Variants in DLG2 observed in about 807,000 individuals in gnomAD.
DLG2 encodes disks large homolog 2.
A neutral mutation model predicts 132.5 loss-of-function variants in DLG2; 45 were observed. That is an observed-to-expected ratio of 0.34 (90% CI 0.27 to 0.44). DLG2 has a LOEUF of 0.44. Ranked by LOEUF, DLG2 falls within the 20% of genes least tolerant of loss-of-function variation. The pLI is 1.00. For synonymous variants in DLG2, 424 were observed against 419.6 expected, an observed-to-expected ratio of 1.01 and a Z score of -0.13; for missense variants, 1,045 against 1,196.9, an observed-to-expected ratio of 0.87 and a Z score of 1.87.
intron 6 of DLG2, among the ~76,000 whole-genome samples, chr11:84,552,844 A>G (rs962080316): frequency 1.3e-5 from 2 of 152,158 alleles, no homozygotes; most frequent in African/African-American, 2.4e-5. Flanking sequence ...AAGTTTGGCT[A>G]TATCACTCAC....
intron 18 of DLG2, among the ~76,000 whole-genome samples, chr11:83,737,918 C>T (rs75496962): frequency 0.065 from 9,958 of 152,212 alleles, 1,132 homozygotes; most frequent in African/African-American, 0.22. Context: ...GGTGATGCTG[C>T]CTTACATAAT....
intron 6 of DLG2, among the ~76,000 whole-genome samples, chr11:84,998,556 A>T (rs1432981208): frequency 6.6e-6 from 1 of 152,158 alleles, no homozygotes; most frequent in Non-Finnish European, 1.5e-5. Context: ...ATGTATCTTT[A>T]GAAAGAAATA....
intron 6 of DLG2, among the ~76,000 whole-genome samples, chr11:84,652,916 G>C (rs1056732195): frequency 1.3e-5 from 2 of 150,128 alleles, no homozygotes; most frequent in African/African-American, 4.9e-5. Flanking sequence ...AGGTACAATA[G>C]AATCCAATAT....
chr11:84,992,124 G>A (rs2057186395), intron 6 of DLG2, among the ~76,000 whole-genome samples: 1 of 151,922 alleles, frequency 6.6e-6, no homozygotes, highest in Non-Finnish European at 1.5e-5. Context: ...ATCACTTCAT[G>A]TAGTTAAGTT....
intron 3 of DLG2, among the ~76,000 whole-genome samples, chr11:85,489,602 C>A (rs991388397): frequency 6.6e-6 from 1 of 152,182 alleles, no homozygotes. Flanking sequence ...AATACACATT[C>A]TTTACATCAG....
chr11:84,580,086 G>A, intron 6 of DLG2, among the ~76,000 whole-genome samples: 1 of 152,168 alleles, frequency 6.6e-6, no homozygotes, highest in Non-Finnish European at 1.5e-5. Context: ...CTAGAAATCA[G>A]GGGGAGGAAC....
chr11:84,099,850 T>C (rs2092288242), intron 9 of DLG2, among the ~76,000 whole-genome samples: 1 of 73,264 alleles, frequency 1.4e-5, no homozygotes, highest in Admixed American at 1.6e-4. Flanking sequence ...TATATATATA[T>C]CTAAAGAGAT....
intron 3 of DLG2, among the ~76,000 whole-genome samples, chr11:85,469,971 C>T (rs2092928166): frequency 6.6e-6 from 1 of 152,126 alleles, no homozygotes. Context: ...AAAGCCCTTA[C>T]TTTAGCCTAC....
At chr11:83,501,512 G>A (rs141453119) in intron 21 of DLG2, among the ~76,000 whole-genome samples, 245 of 152,258 alleles carry the variant, frequency 1.6e-3, no homozygotes, top group African/African-American at 5.6e-3. Context: ...ATCTGGGCCT[G>A]TTTCTTCATA....
chr11:83,694,945 A>T (rs1226375237), intron 18 of DLG2, among the ~76,000 whole-genome samples: 1 of 152,240 alleles, frequency 6.6e-6, no homozygotes, highest in Non-Finnish European at 1.5e-5. Flanking sequence ...AGAGCTTCAG[A>T]GACACATTCA....
intron 6 of DLG2, among the ~76,000 whole-genome samples, chr11:84,979,681 G>A (rs1449834714): frequency 6.6e-6 from 1 of 152,058 alleles, no homozygotes; most frequent in Non-Finnish European, 1.5e-5. Flanking sequence ...CGGAGGGATA[G>A]CATTATGAGA....
intron 3 of DLG2, among the ~76,000 whole-genome samples, chr11:85,398,399 G>C (rs2087640330): frequency 6.6e-6 from 1 of 152,046 alleles, no homozygotes; most frequent in Admixed American, 6.6e-5. Flanking sequence ...ACATTCAAAA[G>C]CTAGCAGAAG....
chr11:84,397,638 T>G (rs1016797905), intron 7 of DLG2, among the ~76,000 whole-genome samples: 1 of 152,218 alleles, frequency 6.6e-6, no homozygotes, highest in African/African-American at 2.4e-5. Context: ...GACTATGTGG[T>G]CAACAGCCCT....
intron 18 of DLG2, among the ~76,000 whole-genome samples, chr11:83,679,021 G>A (rs1419644811): frequency 6.6e-6 from 1 of 152,042 alleles, no homozygotes; most frequent in Admixed American, 6.6e-5. Flanking sequence ...GCAGATATGG[G>A]GCCAAGATCC....
chr11:85,379,544 G>C (rs2085704634), intron 3 of DLG2, among the ~76,000 whole-genome samples: 1 of 152,174 alleles, frequency 6.6e-6, no homozygotes, highest in African/African-American at 2.4e-5. Flanking sequence ...TCTTCTTAGA[G>C]CTGGAGGATG....
At chr11:84,284,118 C>T (rs376421870) in intron 7 of DLG2, among the ~76,000 whole-genome samples, 1 of 152,094 alleles carries the variant, frequency 6.6e-6, no homozygotes, top group African/African-American at 2.4e-5. Context: ...CTTGTAATCC[C>T]AGCTACTCTG....
intron 6 of DLG2, among the ~76,000 whole-genome samples, chr11:84,674,880 TCCATCTCA>T (rs1245410750): frequency 1.3e-5 from 2 of 152,158 alleles, no homozygotes; most frequent in Admixed American, 1.3e-4. Context: ...TACTTCAGCC[TCCATCTCA>T]CCAAGTCTTC....
intron 4 of DLG2, among the ~76,000 whole-genome samples, chr11:85,218,183 A>G (rs1167736546): frequency 2.0e-5 from 3 of 152,216 alleles, no homozygotes; most frequent in African/African-American, 7.2e-5. Flanking sequence ...CAACAAAAAC[A>G]AAAATAGTTA....
intron 10 of DLG2, among the ~76,000 whole-genome samples, chr11:84,080,940 C>T (rs1233362344): frequency 3.3e-5 from 5 of 150,954 alleles, no homozygotes; most frequent in African/African-American, 7.3e-5. Context: ...TGCAGTGAGC[C>T]GAGATCGCAC....
Sources: allele counts gnomAD v4.1 joint callset (sites outside exome capture counted in the v4.1 genomes callset), GRCh38; gene constraint gnomAD v4.1.1; transcripts MANE v1.5; gene names NCBI Gene and HGNC (gene_info 2026-07-23, HGNC 2026-07-21).